The following PDZD7 variants were observed in gnomAD, a reference collection of about 807,000 sequenced individuals.
PDZD7 encodes the protein PDZ domain-containing protein 7.
PDZD7 carries 72 observed loss-of-function variants against 84.7 expected under a neutral mutation model. The ratio of observed to expected loss-of-function variants is 0.85; its 90% CI spans 0.70 to 1.03. The LOEUF is 1.03. PDZD7 is among the 50% of genes least tolerant of loss of function. PDZD7 has a pLI of 0.00. For missense variants in PDZD7, 1,490 were observed against 1,412.9 expected, an observed-to-expected ratio of 1.05 and a Z score of -0.87; for synonymous variants, 594 against 580.7, an observed-to-expected ratio of 1.02 and a Z score of -0.33.
At chr10:101,011,385 AT>A in intron 14 of PDZD7, 1 of 633,612 alleles carries the variant, frequency 1.6e-6, no homozygotes, top group Non-Finnish European at 2.3e-6. Context: ...TTACCGTTCT[AT>A]TTTAATGTGT....
intron 2 of PDZD7, among the ~76,000 whole-genome samples, chr10:101,028,633 G>C (rs902555618): frequency 1.3e-5 from 2 of 151,580 alleles, no homozygotes; most frequent in Admixed American, 1.3e-4. Flanking sequence ...TATAAACAGC[G>C]CTTGCATCAT....
intron 11 of PDZD7, among the ~76,000 whole-genome samples, chr10:101,012,559 C>G (rs1413870105): frequency 6.7e-6 from 1 of 150,018 alleles, no homozygotes; most frequent in Admixed American, 6.7e-5. Flanking sequence ...TGAGAAATGG[C>G]ATTAATTATT....
At chr10:101,017,913 A>AAAGAAAGAAAGAAAGAAAGAAAAG (rs1554834743) in intron 9 of PDZD7, 186 bp downstream of exon 9, 1 of 440,718 alleles carries the variant, frequency 2.3e-6, no homozygotes, top group East Asian at 3.5e-5. Context: ...AGAAAGAAAG[A>AAAGAAAGAAAGAAAGAAAGAAAAG]AAAGAAAGAA....
intron 2 of PDZD7, among the ~76,000 whole-genome samples, chr10:101,026,790 G>A (rs959312525): frequency 6.6e-6 from 1 of 151,794 alleles, no homozygotes; most frequent in South Asian, 2.1e-4. Context: ...GGGCAGCCTG[G>A]GGGGAGGGGT....
At chr10:101,015,523 T>G (rs1852579877) in intron 11 of PDZD7, 113 bp downstream of exon 11, 2 of 1,286,200 alleles carry the variant, frequency 1.6e-6, no homozygotes. Flanking sequence ...TACTGACCAC[T>G]AGCCTCCTGG....
chr10:101,014,536 G>A (rs912135830), intron 11 of PDZD7, among the ~76,000 whole-genome samples: 1 of 152,168 alleles, frequency 6.6e-6, no homozygotes, highest in Non-Finnish European at 1.5e-5. Context: ...AGCTAAGGGT[G>A]ACACTTTCTG....
At chr10:101,017,394 C>T in intron 9 of PDZD7, 3 of 380,096 alleles carry the variant, frequency 7.9e-6, no homozygotes, top group Non-Finnish European at 1.4e-5. Flanking sequence ...TTTTCTTTTA[C>T]TTTTTTTTTT....
chr10:101,027,065 C>T (rs1435998311), intron 2 of PDZD7, among the ~76,000 whole-genome samples: 1 of 152,204 alleles, frequency 6.6e-6, no homozygotes, highest in Non-Finnish European at 1.5e-5. Context: ...GCAGCCCCGG[C>T]ACTATCCTTG....
In PDZD7 at chr10:101,008,496, TAGAATC is replaced by T. The variant is rs962387635; in HGVS notation, c.3067_3072del (p.Asp1023_Ser1024del). The stretch of plus-strand genomic sequence containing the variant: ...GGGATGCGTGGGGAGGGTGCGGGCT[TAGAATC>T]AGGAGTCTGGAGGGCTGGGGAGGGG... On this transcript the variant is annotated inframe_deletion, in exon 17 of 17. Coordinates refer to ENST00000619208, the MANE Select transcript of PDZD7 (RefSeq NM_001195263.2). The T allele has an allele frequency of 9.2e-6, 14 of 1,527,592 alleles. No homozygotes were observed. Among genetic ancestry groups the T allele is most frequent in the African/African-American group, 1.4e-5 (1 of 71,930 alleles). 94.6% of individuals were successfully genotyped at this position (1,527,592 alleles called of 1,614,324 possible).
Position 101,010,366 on chromosome 10 carries a change from C to G in PDZD7, c.2523G>C (p.Glu841Asp). The G allele has an allele frequency of 6.5e-7, 1 of 1,536,230 alleles. No homozygotes were observed. The highest frequency in any genetic ancestry group is 1.2e-5 in the South Asian group (1 of 84,062). Residue 841 changes from glutamate (E) to aspartate (D), a missense_variant, in exon 15 of 17, where the codon GAG becomes GAC. Physicochemically the swap from Glu to Asp is conservative, Grantham distance 45 (BLOSUM62 2). Transcript: ENST00000619208. ...CCTTGGCCGTCCCCTCAGTTCCACT[C>G]TCCGAGGGCCCTTGCTTGGCCCCCA... Reference protein sequence around the residue: ...AKVGAKQGPSESGTEGTAKEA... With the variant: ...AKVGAKQGPSDSGTEGTAKEA...
rs903892899 is a variant in PDZD7 at position 101,010,144 on chromosome 10, C to T, written c.2617+128G>A. ...TCCTGACCTCAAGTGATCCGCCTGC[C>T]TCAGCCTCCCAAAGTGCTGGGGTTA... On this transcript the variant is annotated intron_variant, in intron 15 of 16. Transcript: ENST00000619208. 18 of 1,232,048 alleles carry T rather than the reference C, an allele frequency of 1.5e-5. No individual in the cohort carries two copies. The Admixed American group carries it at 2.0e-4, about 14-fold the overall frequency. 76.3% of individuals were successfully genotyped at this position (1,232,048 alleles called of 1,614,324 possible). A position where few individuals can be genotyped will look rare whatever the true frequency, so the allele number is the denominator to read the frequency against.
chr10:101,008,124 C>T lies in PDZD7; in HGVS notation c.*343G>A, dbSNP rs1180243349. 1 of 341,082 alleles carries T rather than the reference C, an allele frequency of 2.9e-6. No homozygotes were observed. The highest frequency in any genetic ancestry group is 5.3e-6 in the Non-Finnish European group (1 of 187,402). The allele number at this position is 341,082 out of a possible 1,614,324, so 21.1% of individuals were successfully genotyped here. A position where few individuals can be genotyped will look rare whatever the true frequency, so the allele number is the denominator to read the frequency against. On this transcript the variant is annotated 3_prime_UTR_variant, in exon 17 of 17. Transcript: ENST00000619208. ...AGGGCCCTGTCTGAGAGTCTGTGTC[C>T]CTGGAGGCTTGGGCGACTCATAAGG...
intron 1 of PDZD7, 156 bp from the exon 2 acceptor site, chr10:101,030,540 C>T: frequency 1.5e-5 from 8 of 529,188 alleles, no homozygotes; most frequent in Non-Finnish European, 2.8e-5. Flanking sequence ...CCCGTCCAGG[C>T]ACCATCTTGG....
rs749298324 is a variant in PDZD7, at chr10:101,019,053, G to A, written c.1093C>T (p.Arg365Trp). 119 of 1,576,132 alleles carry A rather than the reference G, an allele frequency of 7.6e-5. No homozygotes were observed. Among genetic ancestry groups the A allele is most frequent in the Non-Finnish European group, 9.4e-5 (110 of 1,166,528 alleles). ...EPGSRGPGWG[R>W]ADTAMQTEPD... ...TCCGTCTGCATGGCTGTGTCCGCCC[G>A]CCCCCAGCCTGGGCCGCGGCTGCCG... Residue 365 changes from arginine to tryptophan, a missense_variant, in exon 8 of 17, where the codon CGG (arginine) becomes TGG (tryptophan). Physicochemically the swap from Arg to Trp is moderately radical, Grantham distance 101 (BLOSUM62 -3). Coordinates refer to ENST00000619208, the MANE Select transcript of PDZD7 (RefSeq NM_001195263.2).
chr10:101,031,049 C>T (rs368453606), intron 1 of PDZD7, 24 bp downstream of exon 1: 4 of 152,412 alleles, frequency 2.6e-5, no homozygotes, highest in African/African-American at 4.8e-5. Context: ...GGCCCCCCAC[C>T]CCTTTGTGCC....
Position 101,020,668 on chromosome 10 carries a change from C to A in PDZD7, c.878G>T (p.Arg293Leu), listed in dbSNP as rs368026275. The change falls in exon 7 of 17, where the codon CGG becomes CTG. Residue 293 changes from arginine to leucine, a missense_variant. Coordinates refer to ENST00000619208, the MANE Select transcript of PDZD7 (RefSeq NM_001195263.2). ...AACCATCTCCTTGTAGGCAGGATAC[C>A]GGCCGGTCTCCTGGGGAGGGGATGG... ...HIMLTIKETG[R>L]YPAYKEMVSE... The A allele has an allele frequency of 6.2e-7, 1 of 1,613,816 alleles. No individual in the cohort carries two copies. Among genetic ancestry groups the A allele is most frequent in the Admixed American group, 1.7e-5 (1 of 60,014 alleles).
In PDZD7 at chr10:101,022,242, C is replaced by G. The variant is rs1295504716; in HGVS notation, c.686G>C (p.Gly229Ala). ...DFCLGFNIRG[G>A]KEFGLGIYVS... is the part of the protein sequence containing the mutation. The stretch of plus-strand genomic sequence containing the variant: ...ATAGATGCCCAGGCCAAACTCCTTG[C>G]CCCCACGGATGTTGAAGCCCAGGCA... Residue 229 changes from glycine to alanine, a missense_variant, in exon 5 of 17, where the codon GGC becomes GCC. By Grantham distance (60) the Gly-to-Ala change is moderately conservative. Transcript: ENST00000619208. The G allele has an allele frequency of 1.2e-6, 2 of 1,614,090 alleles. No homozygotes were observed. The highest frequency in any genetic ancestry group is 1.7e-6 in the Non-Finnish European group (2 of 1,180,044).
At chr10:101,020,386 G>A (rs751562551) in intron 7 of PDZD7, among the ~76,000 whole-genome samples, 3 of 152,160 alleles carry the variant, frequency 2.0e-5, no homozygotes, top group South Asian at 2.1e-4. Flanking sequence ...GATTATAGGC[G>A]TGAGCCATCG....
intron 2 of PDZD7, among the ~76,000 whole-genome samples, chr10:101,029,386 T>TG (rs5787410): frequency 0.82 from 124,141 of 152,150 alleles, 50,794 homozygotes; most frequent in African/African-American, 0.84. Flanking sequence ...GGTATAGAAT[T>TG]GTGCTCCATG....
Sources: gnomAD v4.1 joint callset for allele counts (sites outside exome capture counted in the v4.1 genomes callset) on GRCh38, gnomAD v4.1.1 for gene constraint, MANE v1.5 for transcripts, NCBI Gene and HGNC (gene_info 2026-07-23, HGNC 2026-07-21) for gene names.